The following ROR2 variants were observed in gnomAD, a reference collection of about 807,000 sequenced individuals.
ROR2 encodes the protein tyrosine-protein kinase transmembrane receptor ROR2.
ROR2 carries 33 observed loss-of-function variants against 74.9 expected under a neutral mutation model. That is an observed-to-expected ratio of 0.44 (90% confidence interval 0.33 to 0.59). The LOEUF (loss-of-function observed/expected upper bound fraction) is 0.59. Ranked by LOEUF, ROR2 falls within the 20% of genes least tolerant of loss-of-function variation. ROR2 has a pLI of 0.02. For synonymous variants in ROR2, 586 were observed against 558.7 expected, an observed-to-expected ratio of 1.05 and a Z score of -0.69; for missense variants, 1,216 against 1,313.8, an observed-to-expected ratio of 0.93 and a Z score of 1.15.
chr9:91,732,698 G>A (rs1837288177), intron 6 of ROR2, among the ~76,000 whole-genome samples: 1 of 152,224 alleles, frequency 6.6e-6, no homozygotes, highest in South Asian at 2.1e-4. Context: ...CAGGAGTTGA[G>A]AGTCTGCATT....
At chr9:91,842,217 G>A (rs1828802605) in intron 1 of ROR2, among the ~76,000 whole-genome samples, 1 of 152,046 alleles carries the variant, frequency 6.6e-6, no homozygotes. Context: ...AGCAGGTGAA[G>A]GAAGGAGTTA....
rs532382113 is a variant in ROR2 at position 91,916,808 on chromosome 9, T to C, written c.97+33059A>G. On this transcript the variant is annotated intron_variant, in intron 1 of 8. Transcript: ENST00000375708. ...ATCATACAAAAATACTTAACTACCA[T>C]TTTCTCCCAAGAAACTGGCAAAGGA... Among the ~76,000 whole-genome samples the C allele has an allele frequency of 5.3e-5, 8 of 152,078 alleles. No homozygotes were observed. The East Asian group carries it at 1.4e-3, about 26-fold the overall frequency.
intron 1 of ROR2, among the ~76,000 whole-genome samples, chr9:91,913,011 C>G (rs1249315691): frequency 6.6e-6 from 1 of 152,154 alleles, no homozygotes; most frequent in Non-Finnish European, 1.5e-5. Context: ...TACCTGTAAT[C>G]CCAGCTACTT....
chr9:91,833,942 TC>T (rs779024422), intron 1 of ROR2, among the ~76,000 whole-genome samples: 3 of 151,976 alleles, frequency 2.0e-5, no homozygotes, highest in South Asian at 2.1e-4. Context: ...TTGTGTTCTC[TC>T]CCCCAGCCTC....
At chr9:91,830,094 C>T (rs1828417865) in intron 1 of ROR2, among the ~76,000 whole-genome samples, 1 of 152,174 alleles carries the variant, frequency 6.6e-6, no homozygotes, top group South Asian at 2.1e-4. Flanking sequence ...AAAAGTTTTC[C>T]TCATCCTGTA....
At chr9:91,949,039 G>T (rs1403290776) in intron 1 of ROR2, 35 of 688,810 alleles carry the variant, frequency 5.1e-5, no homozygotes, top group Non-Finnish European at 6.1e-5. Context: ...GGACTCGGGG[G>T]AAGTGGGGCC....
At chr9:91,731,420 C>T (rs1837241304) in intron 6 of ROR2, among the ~76,000 whole-genome samples, 1 of 152,140 alleles carries the variant, frequency 6.6e-6, no homozygotes, top group African/African-American at 2.4e-5. Context: ...CACCTGCACA[C>T]CACCACCCCA....
chr9:91,816,963 T>A (rs1338159785), intron 1 of ROR2, among the ~76,000 whole-genome samples: 1 of 152,166 alleles, frequency 6.6e-6, no homozygotes, highest in Non-Finnish European at 1.5e-5. Context: ...GACAAAGCAT[T>A]TGAAGAGGTG....
At chr9:91,817,928 G>A (rs745815292) in intron 1 of ROR2, among the ~76,000 whole-genome samples, 1 of 152,082 alleles carries the variant, frequency 6.6e-6, no homozygotes, top group African/African-American at 2.4e-5. Context: ...TGTTCCAGAC[G>A]ATCTGAAAAT....
rs1043537718 is a variant in ROR2, at chr9:91,867,541, G to T, written c.97+82326C>A. Among the ~76,000 whole-genome samples the T allele has an allele frequency of 8.5e-5, 13 of 152,240 alleles. No homozygotes were observed. In the East Asian group the frequency reaches 2.5e-3, roughly 29 times the overall value. On this transcript the variant is annotated intron_variant, in intron 1 of 8. Transcript: ENST00000375708. ...CTAAAACCCAAGATGTTGGGCTAGA[G>T]GACTGAAATGGGTGTTTTAAGGAAC...
intron 4 of ROR2, among the ~76,000 whole-genome samples, chr9:91,743,984 T>C (rs991174244): frequency 3.9e-5 from 6 of 152,204 alleles, no homozygotes; most frequent in African/African-American, 1.4e-4. Flanking sequence ...AGTACATTCA[T>C]ACAACAGAAT....
intron 1 of ROR2, among the ~76,000 whole-genome samples, chr9:91,921,086 A>T (rs1294759163): frequency 2.0e-5 from 3 of 152,250 alleles, no homozygotes. Context: ...CCCATCCTCA[A>T]CCAGGTGCCA....
chr9:91,903,314 C>T (rs1830720112), intron 1 of ROR2, among the ~76,000 whole-genome samples: 1 of 152,056 alleles, frequency 6.6e-6, no homozygotes, highest in Non-Finnish European at 1.5e-5. Flanking sequence ...GCCCACACCC[C>T]AACCCGCTGG....
chr9:91,828,023 C>T (rs1828345409), intron 1 of ROR2, among the ~76,000 whole-genome samples: 2 of 152,256 alleles, frequency 1.3e-5, no homozygotes, highest in African/African-American at 4.8e-5. Context: ...TTTCTTTATT[C>T]CTCCAAATGA....
intron 1 of ROR2, among the ~76,000 whole-genome samples, chr9:91,855,230 C>G (rs1376870271): frequency 6.6e-6 from 1 of 152,156 alleles, no homozygotes; most frequent in Admixed American, 6.5e-5. Flanking sequence ...TGCTGGATTG[C>G]TAATAGTTGC....
At chr9:91,802,285 C>T (rs543690095) in intron 1 of ROR2, among the ~76,000 whole-genome samples, 12 of 152,062 alleles carry the variant, frequency 7.9e-5, no homozygotes, top group African/African-American at 2.9e-4. Flanking sequence ...ACCATGTTAG[C>T]CAGGATGGTC....
chr9:91,937,923 G>A (rs2118022307), intron 1 of ROR2, among the ~76,000 whole-genome samples: 1 of 152,158 alleles, frequency 6.6e-6, no homozygotes, highest in East Asian at 1.9e-4. Context: ...TTGCTATGTT[G>A]CCCAGGCTGG....
chr9:91,768,597 T>C (rs529768964), intron 2 of ROR2, among the ~76,000 whole-genome samples: 7 of 152,158 alleles, frequency 4.6e-5, no homozygotes, highest in African/African-American at 1.7e-4. Flanking sequence ...CCGCCCACCA[T>C]AGGGACGCCA....
intron 1 of ROR2, among the ~76,000 whole-genome samples, chr9:91,903,334 C>A (rs1055893254): frequency 3.9e-5 from 6 of 152,010 alleles, no homozygotes; most frequent in Admixed American, 2.6e-4. Context: ...GCTTCCCCTG[C>A]CCAAGAAAGT....
Sources: gnomAD v4.1 joint callset for allele counts (sites outside exome capture counted in the v4.1 genomes callset) on GRCh38, gnomAD v4.1.1 for gene constraint, MANE v1.5 for transcripts, NCBI Gene and HGNC (gene_info 2026-07-23, HGNC 2026-07-21) for gene names.